PPARGC1B: variants seen among roughly 807,000 people sequenced by gnomAD.
The protein encoded by PPARGC1B is peroxisome proliferator-activated receptor gamma coactivator 1-beta.
Under a neutral mutation model 101.6 loss-of-function variants are expected in PPARGC1B, and 34 were observed. That is an observed-to-expected ratio of 0.33 (90% CI 0.25 to 0.45). The LOEUF is 0.45. Ranked by LOEUF, PPARGC1B falls within the 20% of genes least tolerant of loss-of-function variation. The probability of loss-of-function intolerance (pLI) is 1.00; values close to 1 mark genes in which losing one functional copy is unlikely to be tolerated. For synonymous variants in PPARGC1B, 548 were observed against 539.3 expected (o/e 1.02, Z -0.22); for missense variants, 1,234 against 1,317.6 (o/e 0.94, Z 0.98).
At chr5:149,840,545 A>G (rs1280638453) in intron 9 of PPARGC1B, among the ~76,000 whole-genome samples, 1 of 152,116 alleles carries the variant, frequency 6.6e-6, no homozygotes, top group Non-Finnish European at 1.5e-5. Flanking sequence ...ATTTGTACGT[A>G]AGGGAGTTGG....
At chr5:149,783,976 C>T (rs895109516) in intron 1 of PPARGC1B, among the ~76,000 whole-genome samples, 5 of 152,132 alleles carry the variant, frequency 3.3e-5, no homozygotes, top group African/African-American at 7.2e-5. Context: ...ACATACATGC[C>T]TGCCCCAGCC....
At chr5:149,807,958 T>C (rs1435347333) in intron 1 of PPARGC1B, among the ~76,000 whole-genome samples, 1 of 152,184 alleles carries the variant, frequency 6.6e-6, no homozygotes, top group Non-Finnish European at 1.5e-5. Context: ...TTTAAGGAGA[T>C]GCTAAAAAAC....
chr5:149,817,439 C>T (rs753865916), intron 1 of PPARGC1B, among the ~76,000 whole-genome samples: 3 of 152,146 alleles, frequency 2.0e-5, no homozygotes, highest in Non-Finnish European at 4.4e-5. Flanking sequence ...GTGATCAAGC[C>T]ATGTTGTATT....
intron 1 of PPARGC1B, among the ~76,000 whole-genome samples, chr5:149,752,567 G>A (rs912829467): frequency 1.3e-5 from 2 of 152,212 alleles, no homozygotes; most frequent in Non-Finnish European, 1.5e-5. Flanking sequence ...GGCGGCTCAC[G>A]CCTGTAATCC....
Position 149,843,580 on chromosome 5 carries a change from T to C in PPARGC1B, c.2816+1203T>C, listed in dbSNP as rs1759433617. Among the ~76,000 whole-genome samples, 3 of 152,322 alleles carry C rather than the reference T, an allele frequency of 2.0e-5. No homozygotes were observed. In the South Asian group the frequency reaches 6.2e-4, roughly 32 times the overall value. On this transcript the variant is annotated intron_variant, in intron 10 of 11. Transcript: ENST00000309241. ...GATGCAGCCGATGTGGAAAACAGTA[T>C]GGCAGTTCATCAGAAAATTAAACCT...
At chr5:149,840,186 A>AC in intron 9 of PPARGC1B, 70 bp downstream of exon 9, 1 of 1,460,866 alleles carries the variant, frequency 6.8e-7, no homozygotes, top group Non-Finnish European at 9.3e-7. Context: ...GGCTTCATGG[A>AC]CCAAAGCCTT....
chr5:149,761,874 G>A (rs969095116), intron 1 of PPARGC1B, among the ~76,000 whole-genome samples: 3 of 152,224 alleles, frequency 2.0e-5, no homozygotes, highest in Non-Finnish European at 4.4e-5. Flanking sequence ...GTGGATAACA[G>A]TAGTGCCAAC....
intron 1 of PPARGC1B, 126 bp from the exon 2 acceptor site, chr5:149,820,307 T>G: frequency 1.2e-6 from 1 of 843,466 alleles, no homozygotes; most frequent in Non-Finnish European, 1.9e-6. Context: ...TTTCCATTTC[T>G]TGGTCATTTG....
downstream of PPARGC1B, among the ~76,000 whole-genome samples, chr5:149,857,663 C>T (rs563745917): frequency 5.9e-5 from 9 of 152,328 alleles, no homozygotes; most frequent in Middle Eastern, 3.4e-3. Flanking sequence ...AGGGCCCATG[C>T]GTCAGGAGCC....
intron 1 of PPARGC1B, among the ~76,000 whole-genome samples, chr5:149,816,625 C>G (rs1426986625): frequency 6.6e-6 from 1 of 152,226 alleles, no homozygotes. Flanking sequence ...CCTGGCTAGT[C>G]TGGGATTCTG....
At chr5:149,842,481 G>A (rs1759392052) in intron 10 of PPARGC1B, 104 bp downstream of exon 10, 1 of 1,508,330 alleles carries the variant, frequency 6.6e-7, no homozygotes, top group Admixed American at 1.7e-5. Context: ...AAATGAATCT[G>A]ACAAAATCCA....
intron 1 of PPARGC1B, among the ~76,000 whole-genome samples, chr5:149,765,828 T>G (rs982770032): frequency 7.1e-6 from 1 of 141,150 alleles, no homozygotes; most frequent in African/African-American, 2.7e-5. Flanking sequence ...GCCATTGCAC[T>G]TCAGCCTGGG....
chr5:149,803,146 T>C (rs563671476), intron 1 of PPARGC1B, among the ~76,000 whole-genome samples: 44 of 152,274 alleles, frequency 2.9e-4, no homozygotes, highest in Admixed American at 2.4e-3. Context: ...TGCTGGAATA[T>C]GGGGGACTGA....
At position 149,836,665 on chromosome 5, in the gene PPARGC1B, G is replaced by A. The variant is rs1203688789; in HGVS notation, c.2210G>A (p.Arg737Lys). Residue 737 changes from arginine to lysine, a missense_variant, in exon 8 of 12, where the codon AGG (arginine) becomes AAG (lysine). Physicochemically the swap from Arg to Lys is conservative, Grantham distance 26. This residue lies in a region of PPARGC1B where 497 missense variants were observed against 529.5 expected (regional missense o/e 0.94). Coordinates refer to ENST00000309241, the MANE Select transcript of PPARGC1B (RefSeq NM_133263.4). ...TGGGCTGAGGCACAGGCCCCTGGCA[G>A]GGAGGAAGACAGAAGCTGTGATGCT... Reference protein sequence around the residue: ...APWAEAQAPGREEDRSCDAGA... With the variant: ...APWAEAQAPGKEEDRSCDAGA... 6.2e-7 allele frequency: 1 copy of A among 1,613,818 alleles called. No homozygotes were observed. Among genetic ancestry groups the A allele is most frequent in the Admixed American group, 1.7e-5 (1 of 60,028 alleles).
chr5:149,753,044 G>GT (rs916040578), intron 1 of PPARGC1B, among the ~76,000 whole-genome samples: 4 of 151,856 alleles, frequency 2.6e-5, no homozygotes, highest in African/African-American at 4.8e-5. Context: ...TTTATTTTTT[G>GT]TTTTTTGCAC....
At chr5:149,774,751 C>T (rs1037749359) in intron 1 of PPARGC1B, among the ~76,000 whole-genome samples, 2 of 152,016 alleles carry the variant, frequency 1.3e-5, no homozygotes, top group Admixed American at 1.3e-4. Context: ...CTGCCTCTGG[C>T]CCTATACTGA....
At chr5:149,762,633 T>C (rs1472202650) in intron 1 of PPARGC1B, among the ~76,000 whole-genome samples, 1 of 152,234 alleles carries the variant, frequency 6.6e-6, no homozygotes, top group Non-Finnish European at 1.5e-5. Context: ...CAGGCAGGGC[T>C]TGGGCTGTTT....
chr5:149,761,733 C>G (rs1015183126), intron 1 of PPARGC1B: 10 of 152,094 alleles, frequency 6.6e-5, no homozygotes, highest in Non-Finnish European at 1.2e-4. Context: ...TGCAGAAAGA[C>G]AAATGCTGCG....
At chr5:149,856,686 A>G (rs1193365380), downstream of PPARGC1B, among the ~76,000 whole-genome samples, 2 of 152,084 alleles carry the variant, frequency 1.3e-5, no homozygotes, top group African/African-American at 2.4e-5. Flanking sequence ...AAAAACAACA[A>G]TAAAACCTGA....
Sources: gnomAD v4.1 joint callset for allele counts (sites outside exome capture counted in the v4.1 genomes callset) on GRCh38, gnomAD v4.1.1 for gene constraint, gnomAD v4.1.1 regional missense constraint, MANE v1.5 for transcripts, NCBI Gene and HGNC (gene_info 2026-07-23, HGNC 2026-07-21) for gene names.